ZNF236: variants seen among roughly 807,000 people sequenced by gnomAD.
ZNF236 encodes regulated by glucose.
A neutral mutation model predicts 191.2 loss-of-function variants in ZNF236; 50 were observed. The ratio of observed to expected loss-of-function variants is 0.26; its 90% confidence interval spans 0.21 to 0.33. ZNF236 has a LOEUF of 0.33. Among genes scored for constraint, ZNF236 ranks in the 10% least tolerant of loss-of-function variants. ZNF236 has a pLI of 1.00. For missense variants in ZNF236, 1,754 were observed against 2,374.5 expected, an observed-to-expected ratio of 0.74 and a Z score of 5.43; for synonymous variants, 907 against 928.8, an observed-to-expected ratio of 0.98 and a Z score of 0.43.
rs1037617073 is a variant in ZNF236 at position 76,875,981 on chromosome 18, T to C, written c.840+317T>C. On this transcript the variant is annotated intron_variant, in intron 6 of 30. Coordinates refer to ENST00000320610, the MANE Select transcript of ZNF236 (RefSeq NM_001306089.2). This position sits in a 1 kb window ranked among gnomAD's most constrained non-coding sequence, Gnocchi z 4.3. ...AATGTATTTCATCCCTTTAGCAAAC[T>C]TGAAACACAGGCAAGTGTAAGAAAT... Among the ~76,000 whole-genome samples the C allele has an allele frequency of 1.3e-5, 2 of 152,208 alleles. No individual in the cohort carries two copies. Among genetic ancestry groups the C allele is most frequent in the Admixed American group, 6.5e-5 (1 of 15,282 alleles).
Position 76,925,185 on chromosome 18 carries a change from A to G in ZNF236, c.3662-4A>G. On this transcript the variant is annotated splice_region_variant and splice_polypyrimidine_tract_variant and intron_variant, in intron 21 of 30. Coordinates refer to ENST00000320610, the MANE Select transcript of ZNF236 (RefSeq NM_001306089.2). This position sits in a 1 kb window ranked among gnomAD's most constrained non-coding sequence, Gnocchi z 5.7. ...CTGTTGATTCTTGGCTGGGCTTTTC[A>G]CAGGTCAGAAGCTCTTCAGCTGTCA... 6.2e-7 allele frequency: 1 copy of G among 1,608,516 alleles called. No homozygotes were observed. The highest frequency in any genetic ancestry group is 8.5e-7 in the Non-Finnish European group (1 of 1,176,280).
At chr18:76,941,496 C>T (rs936435925) in intron 26 of ZNF236, among the ~76,000 whole-genome samples, 2 of 152,200 alleles carry the variant, frequency 1.3e-5, no homozygotes, top group Non-Finnish European at 2.9e-5. Context: ...CCCTCTCCCT[C>T]CCACCCACTG....
rs913534040 is a variant in ZNF236 at position 76,925,659 on chromosome 18, C to T, written c.4027+105C>T. 23 of 1,424,306 alleles carry T rather than the reference C, an allele frequency of 1.6e-5. No individual in the cohort carries two copies. In the East Asian group the frequency reaches 3.9e-4, roughly 24 times the overall value. 88.2% of individuals were successfully genotyped at this position (1,424,306 alleles called of 1,614,324 possible). On this transcript the variant is annotated intron_variant, in intron 22 of 30. Transcript: ENST00000320610. This position sits in a 1 kb window ranked among gnomAD's most constrained non-coding sequence, Gnocchi z 5.7. The stretch of plus-strand genomic sequence containing the variant: ...AGAGATGTTGTTTACCGTAGCACCA[C>T]GTTTCCCTTCTTTGAGCCTTTTCCT...
chr18:76,844,485 A>G lies in ZNF236; in HGVS notation c.56-5041A>G, dbSNP rs557180835. On this transcript the variant is annotated intron_variant, in intron 1 of 30. Transcript: ENST00000320610. ...ACTGACAGCAGAGTGAGGAAGATCA[A>G]CCATATGTTAGAACGATTTTTATTC... Among the ~76,000 whole-genome samples the G allele has an allele frequency of 5.9e-5, 9 of 152,328 alleles. No homozygotes were observed. In the East Asian group the frequency reaches 1.7e-3, roughly 29 times the overall value.
intron 10 of ZNF236, 104 bp downstream of exon 10, chr18:76,895,389 G>A: frequency 6.9e-7 from 1 of 1,454,622 alleles, no homozygotes. Flanking sequence ...AGGCACACAG[G>A]TACTGCACAC....
chr18:76,869,040 G>T (rs982243503), intron 4 of ZNF236, among the ~76,000 whole-genome samples, 177 bp downstream of exon 4: 6 of 152,196 alleles, frequency 3.9e-5, no homozygotes, highest in Admixed American at 3.9e-4. Flanking sequence ...ACACATTAAT[G>T]AATAGTGTCA....
rs762706410 is a variant in ZNF236, at chr18:76,910,081, T to C, written c.2565T>C (p.Ala855=). ...TCTCATCCTCAGATGGGTTTGTGGC[T>C]CCACAGGACCCTCTGCGAGGGCACG... The part of the protein sequence containing the change: ...PLEADEDGFV[A]PQDPLRGHVD... Residue 855 remains alanine, a synonymous_variant, in exon 15 of 31, where the codon GCT becomes GCC. Coordinates refer to ENST00000320610, the MANE Select transcript of ZNF236 (RefSeq NM_001306089.2). The C allele has an allele frequency of 1.2e-6, 2 of 1,610,762 alleles. No homozygotes were observed. Among genetic ancestry groups the C allele is most frequent in the Non-Finnish European group, 1.7e-6 (2 of 1,177,474 alleles).
rs545734828 is a variant in ZNF236 at position 76,895,262 on chromosome 18, A to G, written c.1667A>G (p.Lys556Arg). The change falls in exon 10 of 31, where the codon AAG becomes AGG. Residue 556 changes from lysine to arginine, a missense_variant. This residue lies in a region of ZNF236 where 641 missense variants were observed against 869.6 expected (regional missense o/e 0.74). Transcript: ENST00000320610. ...MKSFSTSGSL[K>R]VHIRLHTGVR... ...AGCTTCTCCACCTCTGGCAGCCTCA[A>G]GGTGCACATTCGCCTGCACACAGGT... 3.1e-6 allele frequency: 5 copies of G among 1,599,632 alleles called. No homozygotes were observed. The highest frequency in any genetic ancestry group is 2.2e-5 in the East Asian group (1 of 44,884).
chr18:76,829,851 T>C (rs1975117895), intron 1 of ZNF236, among the ~76,000 whole-genome samples: 1 of 152,192 alleles, frequency 6.6e-6, no homozygotes, highest in Non-Finnish European at 1.5e-5. Flanking sequence ...TGATACGACA[T>C]GTTAGCTTTA....
At chr18:76,912,792 G>A (rs1160809833) in intron 17 of ZNF236, among the ~76,000 whole-genome samples, 2 of 152,176 alleles carry the variant, frequency 1.3e-5, no homozygotes, top group Non-Finnish European at 2.9e-5. Flanking sequence ...TACATACTGA[G>A]CACCCTCTGT....
intron 30 of ZNF236, among the ~76,000 whole-genome samples, chr18:76,966,917 C>T (rs944128029): frequency 6.6e-6 from 1 of 152,184 alleles, no homozygotes; most frequent in African/African-American, 2.4e-5. Flanking sequence ...TCTGAGTAGA[C>T]CCCTTGGTGT....
chr18:76,881,948 A>G (rs1046230362), intron 9 of ZNF236, among the ~76,000 whole-genome samples: 3 of 152,014 alleles, frequency 2.0e-5, no homozygotes, highest in African/African-American at 7.3e-5. Context: ...CTTCATCATC[A>G]AAGGACCCCT....
At chr18:76,841,610 T>C (rs1975507428) in intron 1 of ZNF236, among the ~76,000 whole-genome samples, 1 of 152,188 alleles carries the variant, frequency 6.6e-6, no homozygotes, top group African/African-American at 2.4e-5. Context: ...GGCTTACATA[T>C]TAGTATACAT....
At position 76,925,084 on chromosome 18, in the gene ZNF236, T is replaced by C. The variant is rs1405816998; in HGVS notation, c.3662-105T>C. On this transcript the variant is annotated intron_variant, in intron 21 of 30. Transcript: ENST00000320610. This position sits in a 1 kb window ranked among gnomAD's most constrained non-coding sequence, Gnocchi z 5.7. ...AGGGATTCTCATTAAAGTACTTCCA[T>C]CCACTGATTCAACATATTTACATCC... 1 of 1,493,294 alleles carries C rather than the reference T, an allele frequency of 6.7e-7. No homozygotes were observed. The highest frequency in any genetic ancestry group is 9.0e-7 in the Non-Finnish European group (1 of 1,115,180). The allele number at this position is 1,493,294 out of a possible 1,614,324, so 92.5% of individuals were successfully genotyped here. A position where few individuals can be genotyped will look rare whatever the true frequency, so the allele number is the denominator to read the frequency against.
intron 16 of ZNF236, 76 bp downstream of exon 16, chr18:76,910,887 AATTTCCTTAAGG>A: frequency 3.9e-6 from 6 of 1,537,064 alleles, no homozygotes; most frequent in Non-Finnish European, 3.5e-6. Context: ...CATTATTAAA[AATTTCCTTAAGG>A]GAAATTTTAA....
chr18:76,897,866 T>A (rs558931266), intron 10 of ZNF236, among the ~76,000 whole-genome samples: 48 of 152,346 alleles, frequency 3.2e-4, no homozygotes, highest in Non-Finnish European at 5.3e-4. Context: ...TATATTTCTG[T>A]CTTTTCATCA....
At chr18:76,907,903 C>T (rs868345908) in intron 13 of ZNF236, among the ~76,000 whole-genome samples, 18 of 152,132 alleles carry the variant, frequency 1.2e-4, no homozygotes, top group African/African-American at 2.4e-4. Flanking sequence ...AGGCTCTCTG[C>T]GCACCACGTG....
At chr18:76,866,452 A>C (rs910049804) in intron 3 of ZNF236, among the ~76,000 whole-genome samples, 1 of 152,208 alleles carries the variant, frequency 6.6e-6, no homozygotes, top group African/African-American at 2.4e-5. Context: ...GATTCGGAGA[A>C]GGGGAAAATC....
At chr18:76,858,506 A>G (rs1209411983) in intron 3 of ZNF236, among the ~76,000 whole-genome samples, 1 of 152,252 alleles carries the variant, frequency 6.6e-6, no homozygotes, top group East Asian at 1.9e-4. Context: ...ACATTGCTGT[A>G]ATATCCATTT....
Sources: allele counts gnomAD v4.1 joint callset (sites outside exome capture counted in the v4.1 genomes callset), GRCh38; gene constraint gnomAD v4.1.1; regional missense constraint gnomAD v4.1.1; non-coding constraint Gnocchi (gnomAD v3.1); transcripts MANE v1.5; gene names NCBI Gene and HGNC (gene_info 2026-07-23, HGNC 2026-07-21).